SDCCAG8: variants seen among roughly 807,000 people sequenced by gnomAD.
The protein encoded by SDCCAG8 is serologically defined colon cancer antigen 8.
Under a neutral mutation model 101.8 loss-of-function variants are expected in SDCCAG8, and 74 were observed. That is an observed-to-expected ratio of 0.73 (90% CI 0.60 to 0.88). The LOEUF is 0.88. Among genes scored for constraint, SDCCAG8 ranks in the 40% least tolerant of loss-of-function variants. SDCCAG8 has a pLI of 0.00. For missense variants in SDCCAG8, 787 were observed against 822.6 expected (o/e 0.96, Z 0.53); for synonymous variants, 281 against 292.9 (o/e 0.96, Z 0.41).
chr1:243,441,290 A>C (rs1463875223), intron 16 of SDCCAG8, among the ~76,000 whole-genome samples: 3 of 152,202 alleles, frequency 2.0e-5, no homozygotes, highest in African/African-American at 7.2e-5. Context: ...ATGTGGGTAC[A>C]GGGGATGGAT....
chr1:243,415,560 G>T lies in SDCCAG8; in HGVS notation c.1617-142G>T. 4.5e-6 allele frequency: 5 copies of T among 1,100,330 alleles called. 1 individual carries two copies. The highest frequency in any genetic ancestry group is 2.2e-4 in the Middle Eastern group (1 of 4,602). The allele number at this position is 1,100,330 out of a possible 1,614,324, so 68.2% of individuals were successfully genotyped here. A position where few individuals can be genotyped will look rare whatever the true frequency, so the allele number is the denominator to read the frequency against. On this transcript the variant is annotated intron_variant, in intron 13 of 17. Transcript: ENST00000366541. Reference sequence around the variant, plus strand: ...GTTGTTTGGATCTTCCCCCTAAAGTGGGGGAGGGTCATTAGAAAGGTCCTT... The same window carrying T: ...GTTGTTTGGATCTTCCCCCTAAAGTTGGGGAGGGTCATTAGAAAGGTCCTT...
intron 1 of SDCCAG8, among the ~76,000 whole-genome samples, chr1:243,269,492 G>T (rs575435855): frequency 1.3e-5 from 2 of 152,024 alleles, no homozygotes; most frequent in African/African-American, 4.8e-5. Flanking sequence ...CACTAACCAA[G>T]AATCTATGAG....
intron 13 of SDCCAG8, among the ~76,000 whole-genome samples, chr1:243,380,238 T>C (rs2077855716): frequency 6.6e-6 from 1 of 152,226 alleles, no homozygotes; most frequent in South Asian, 2.1e-4. Flanking sequence ...ATTTAAACTA[T>C]TGTCATTGTA....
chr1:243,344,489 T>C (rs1051335580), intron 12 of SDCCAG8, among the ~76,000 whole-genome samples, 158 bp downstream of exon 12: 1 of 152,228 alleles, frequency 6.6e-6, no homozygotes, highest in Non-Finnish European at 1.5e-5. Context: ...TATAGTTGCC[T>C]AAAATTATCA....
chr1:243,449,542 C>T (rs992211593), intron 16 of SDCCAG8, among the ~76,000 whole-genome samples: 1 of 152,166 alleles, frequency 6.6e-6, no homozygotes, highest in African/African-American at 2.4e-5. Flanking sequence ...CCTTGGAAGA[C>T]GATCCTTGGA....
At chr1:243,283,654 T>C (rs780552345) in intron 4 of SDCCAG8, among the ~76,000 whole-genome samples, 1 of 152,142 alleles carries the variant, frequency 6.6e-6, no homozygotes, top group Non-Finnish European at 1.5e-5. Context: ...CATAGAGTTT[T>C]CATCTCTCTG....
intron 12 of SDCCAG8, among the ~76,000 whole-genome samples, chr1:243,364,394 G>A (rs971010123): frequency 1.3e-5 from 2 of 152,126 alleles, no homozygotes; most frequent in Admixed American, 6.6e-5. Context: ...GAATGCTTTA[G>A]GTATGTTTTT....
Position 243,415,775 on chromosome 1 carries a change from G to A in SDCCAG8, c.1690G>A (p.Glu564Lys). 6.2e-7 allele frequency: 1 copy of A among 1,613,820 alleles called. No individual in the cohort carries two copies. Among genetic ancestry groups the A allele is most frequent in the East Asian group, 2.2e-5 (1 of 44,880 alleles). ...KAQALQAQQR[E>K]QELTQKIQQM... ...CCAAGCCCTTCAGGCCCAGCAAAGA[G>A]AGCAGGAGCTGACACAGAAGATACA... The change falls in exon 14 of 18, where the codon GAG (glutamate) becomes AAG (lysine). Residue 564 changes from glutamate (E) to lysine (K), a missense_variant. Coordinates refer to ENST00000366541, the MANE Select transcript of SDCCAG8 (RefSeq NM_006642.5).
intron 1 of SDCCAG8, among the ~76,000 whole-genome samples, chr1:243,266,386 G>A (rs1409147731): frequency 6.7e-6 from 1 of 149,200 alleles, no homozygotes; most frequent in Non-Finnish European, 1.5e-5. Flanking sequence ...GTGTGATCTC[G>A]GCTCACTGCA....
chr1:243,464,140 T>C (rs1220640867), intron 16 of SDCCAG8, among the ~76,000 whole-genome samples: 3 of 152,132 alleles, frequency 2.0e-5, no homozygotes, highest in Admixed American at 2.0e-4. Context: ...ATCCTAAAAG[T>C]GATTTTTGTA....
chr1:243,425,377 A>G (rs1335417832), intron 15 of SDCCAG8, among the ~76,000 whole-genome samples: 1 of 152,128 alleles, frequency 6.6e-6, no homozygotes, highest in African/African-American at 2.4e-5. Flanking sequence ...ACTAAAAGCA[A>G]GAGTTTTTGC....
In SDCCAG8 at chr1:243,330,680, C is replaced by T. The variant is rs778054658; in HGVS notation, c.1209C>T (p.Tyr403=). 1 of 1,614,070 alleles carries T rather than the reference C, an allele frequency of 6.2e-7. No individual in the cohort carries two copies. The highest frequency in any genetic ancestry group is 2.2e-5 in the East Asian group (1 of 44,872). The change falls in exon 10 of 18, where the codon TAC becomes TAT. Residue 403 remains tyrosine, a synonymous_variant. Coordinates refer to ENST00000366541, the MANE Select transcript of SDCCAG8 (RefSeq NM_006642.5). ...AGGAAATAACGAAAGAAAGGGAGTACATGGGATCAAAGGTACTTAAGGACT... is the reference window on the plus strand; with the variant it reads ...AGGAAATAACGAAAGAAAGGGAGTATATGGGATCAAAGGTACTTAAGGACT... ...MKKEITKERE[Y]MGSKMLILSQ...
intron 6 of SDCCAG8, among the ~76,000 whole-genome samples, chr1:243,301,486 A>G (rs1258724664): frequency 6.6e-6 from 1 of 152,196 alleles, no homozygotes; most frequent in African/African-American, 2.4e-5. Flanking sequence ...CATTACAGGA[A>G]AAAGTTACAT....
At chr1:243,275,306 C>CTCTT (rs1232124617) in intron 4 of SDCCAG8, among the ~76,000 whole-genome samples, 1 of 151,454 alleles carries the variant, frequency 6.6e-6, no homozygotes, top group African/African-American at 2.4e-5. Flanking sequence ...CTTTCCCTCC[C>CTCTT]TCTTTCTTTC....
intron 12 of SDCCAG8, among the ~76,000 whole-genome samples, chr1:243,362,485 G>A (rs1015988495): frequency 2.6e-5 from 4 of 152,360 alleles, no homozygotes; most frequent in African/African-American, 7.2e-5. Context: ...CTGAAAATGT[G>A]CAAGCTTCAG....
intron 4 of SDCCAG8, among the ~76,000 whole-genome samples, chr1:243,276,084 G>A (rs7525348): frequency 0.28 from 41,939 of 151,736 alleles, 6,133 homozygotes; most frequent in South Asian, 0.49. Flanking sequence ...GCATGGTCTC[G>A]ATCTCTTGAC....
chr1:243,395,580 T>C (rs1041540593), intron 13 of SDCCAG8, among the ~76,000 whole-genome samples: 4 of 152,206 alleles, frequency 2.6e-5, no homozygotes, highest in Non-Finnish European at 4.4e-5. Flanking sequence ...ATGAGAATGA[T>C]TTATATGACA....
At chr1:243,277,627 A>G (rs1026574376) in intron 4 of SDCCAG8, among the ~76,000 whole-genome samples, 1 of 152,196 alleles carries the variant, frequency 6.6e-6, no homozygotes, top group Non-Finnish European at 1.5e-5. Context: ...GTATCTTTCA[A>G]TGAGCAGAAA....
chr1:243,331,731 C>T, intron 10 of SDCCAG8, among the ~76,000 whole-genome samples: 1 of 152,164 alleles, frequency 6.6e-6, no homozygotes, highest in East Asian at 1.9e-4. Flanking sequence ...CTTCGGTGTC[C>T]ACGGTCCTTT....
Sources: gnomAD v4.1 joint callset for allele counts (sites outside exome capture counted in the v4.1 genomes callset) on GRCh38, gnomAD v4.1.1 for gene constraint, MANE v1.5 for transcripts, NCBI Gene and HGNC (gene_info 2026-07-23, HGNC 2026-07-21) for gene names.